CASK: variants seen among roughly 807,000 people sequenced by gnomAD.
The protein encoded by CASK is calcium/calmodulin dependent serine protein kinase.
Under a neutral mutation model 82.9 loss-of-function variants are expected in CASK, and 4 were observed. That is an observed-to-expected ratio of 0.05 (90% CI 0.02 to 0.11). The LOEUF (loss-of-function observed/expected upper bound fraction) is 0.11, where lower values mean the gene tolerates loss of function less well. Among genes scored for constraint, CASK ranks in the 10% least tolerant of loss-of-function variants. The probability of loss-of-function intolerance (pLI) is 1.00; values close to 1 mark genes in which losing one functional copy is unlikely to be tolerated. For missense variants in CASK, 358 were observed against 720.9 expected, an observed-to-expected ratio of 0.50 and a Z score of 5.76; for synonymous variants, 259 against 253.5, an observed-to-expected ratio of 1.02 and a Z score of -0.20.
intron 3 of CASK, among the ~76,000 whole-genome samples, chrX:41,765,346 C>T (rs2069090949): frequency 8.9e-6 from 1 of 112,014 alleles, no homozygotes; most frequent in South Asian, 3.7e-4. Flanking sequence ...AAAATTGAAG[C>T]CTACAACCCT....
chrX:41,559,808 T>A lies in CASK; in HGVS notation c.1708A>T (p.Ser570Cys). ...CAGGACGAAGACTGAGTGCGGTAAC[T>A]TGGCACAATCTTGAAGGTAATACTC... ...RGSITFKIVP[S>C]YRTQSSSCER... The change falls in exon 18 of 27, where the codon AGT becomes TGT. Residue 570 changes from serine (S) to cysteine (C), a missense_variant. By Grantham distance (112) the Ser-to-Cys change is moderately radical (BLOSUM62 -1). Transcript: ENST00000378163. The A allele has an allele frequency of 8.3e-7, 1 of 1,210,943 alleles. No homozygotes were observed. Among genetic ancestry groups the A allele is most frequent in the Non-Finnish European group, 1.1e-6 (1 of 894,729 alleles).
rs778405569 is a variant in CASK, at chrX:41,823,859, C to A, written c.172+29256G>T. ...CATGATCATTTTTTTTCATTGTGGC[C>A]TCTTAATATACTTTCTTTAAGCAAT... On this transcript the variant is annotated intron_variant, in intron 2 of 26. Coordinates refer to ENST00000378163, the MANE Select transcript of CASK (RefSeq NM_001367721.1). Among the ~76,000 whole-genome samples, 35 of 110,722 alleles carry A rather than the reference C, an allele frequency of 3.2e-4. 1 individual carries two copies. In the South Asian group the frequency reaches 0.013, roughly 42 times the overall value.
chrX:41,613,763 C>G (rs2066145589), intron 11 of CASK, among the ~76,000 whole-genome samples: 1 of 110,421 alleles, frequency 9.1e-6, no homozygotes, highest in Non-Finnish European at 1.9e-5. Flanking sequence ...GAATGAAACA[C>G]AGCAAAAGTG....
chrX:41,841,937 C>T (rs1304566942), intron 2 of CASK, among the ~76,000 whole-genome samples: 1 of 111,680 alleles, frequency 9.0e-6, no homozygotes, highest in Non-Finnish European at 1.9e-5. Context: ...ATGAAGAAAC[C>T]ACTACTTAAT....
rs1457203740 is a variant in CASK at position 41,745,571 on chromosome X, G to A, written c.309C>T (p.Ile103=). 3.7e-5 allele frequency: 44 copies of A among 1,203,263 alleles called. No homozygotes were observed. Among genetic ancestry groups the A allele is most frequent in the Non-Finnish European group, 4.7e-5 (42 of 888,079 alleles). ...FMDGADLCFE[I]VKRADAGFVY... ...CAAAACCAGCGTCAGCTCGCTTTAC[G>A]ATTTCAAAACACAGATCTGCTCCAT... Residue 103 remains isoleucine (I), a synonymous_variant, in exon 4 of 27, where the codon ATC becomes ATT. Coordinates refer to ENST00000378163, the MANE Select transcript of CASK (RefSeq NM_001367721.1).
At chrX:41,560,587 T>A (rs1428430279) in intron 17 of CASK, among the ~76,000 whole-genome samples, 1 of 106,857 alleles carries the variant, frequency 9.4e-6, no homozygotes, top group Non-Finnish European at 1.9e-5. Flanking sequence ...TAATTTTGGC[T>A]TTTTTTTAAA....
Position 41,900,050 on chromosome X carries a change from T to G in CASK, c.59+22880A>C, listed in dbSNP as rs193066483. Reference sequence around the variant, plus strand: ...TGGTTGGCAGGTTTTTTGTTTTGTTTTTTTTTTTTTTCTTTCAGCGCTTTG... The same window carrying G: ...TGGTTGGCAGGTTTTTTGTTTTGTTGTTTTTTTTTTTCTTTCAGCGCTTTG... On this transcript the variant is annotated intron_variant, in intron 1 of 26. Transcript: ENST00000378163. Among the ~76,000 whole-genome samples the G allele has an allele frequency of 6.7e-3, 740 of 109,737 alleles. 4 individuals carry two copies. The highest frequency in any genetic ancestry group is 0.01 in the Non-Finnish European group (543 of 52,529).
chrX:41,547,783 C>T (rs1049360695), intron 21 of CASK, among the ~76,000 whole-genome samples: 6 of 110,074 alleles, frequency 5.5e-5, no homozygotes, highest in Admixed American at 9.7e-5. Context: ...CCACCAGGCC[C>T]GGCTAATTTT....
chrX:41,888,743 A>ACG (rs1491467405), intron 1 of CASK, among the ~76,000 whole-genome samples: 1 of 98,676 alleles, frequency 1.0e-5, no homozygotes. Flanking sequence ...ATATATATAC[A>ACG]TATATATGTA....
intron 3 of CASK, among the ~76,000 whole-genome samples, chrX:41,779,692 T>C (rs1346412089): frequency 9.0e-6 from 1 of 111,668 alleles, no homozygotes; most frequent in Admixed American, 9.6e-5. Flanking sequence ...TTCAAATAGA[T>C]TAAAATGCTA....
intron 22 of CASK, among the ~76,000 whole-genome samples, chrX:41,542,484 A>G (rs750141436): frequency 8.8e-6 from 1 of 113,087 alleles, no homozygotes; most frequent in African/African-American, 3.2e-5. Flanking sequence ...TTTTTGTCCT[A>G]TAAAGTATAG....
At chrX:41,783,818 A>G (rs2069530780) in intron 3 of CASK, among the ~76,000 whole-genome samples, 1 of 112,127 alleles carries the variant, frequency 8.9e-6, no homozygotes, top group African/African-American at 3.2e-5. Context: ...CACACTGAAT[A>G]AGCATATAGT....
intron 9 of CASK, chrX:41,635,613 A>G (rs1389604826): frequency 1.8e-5 from 2 of 110,840 alleles, no homozygotes; most frequent in Non-Finnish European, 3.8e-5. Flanking sequence ...TGCTGAAAAG[A>G]TTCCATTACT....
chrX:41,922,788 T>A, intron 1 of CASK, 142 bp downstream of exon 1: 1 of 560,058 alleles, frequency 1.8e-6, no homozygotes. Flanking sequence ...TACACGTCTA[T>A]AAATACTCCA....
chrX:41,523,747 T>C (rs889742427), intron 26 of CASK, among the ~76,000 whole-genome samples: 1 of 112,079 alleles, frequency 8.9e-6, no homozygotes, highest in Admixed American at 9.4e-5. Context: ...CTGGGATGCC[T>C]CGGTCCTGGT....
chrX:41,626,465 G>T, intron 10 of CASK, 139 bp downstream of exon 10: 1 of 513,906 alleles, frequency 1.9e-6, no homozygotes, highest in South Asian at 2.5e-5. Flanking sequence ...ATGTAGACAG[G>T]ATTTGGTTGC....
intron 8 of CASK, among the ~76,000 whole-genome samples, chrX:41,659,051 C>T (rs778472433): frequency 5.1e-4 from 56 of 110,444 alleles, no homozygotes; most frequent in Non-Finnish European, 9.5e-4. Flanking sequence ...ATACAAATAA[C>T]CTATAGCATG....
intron 2 of CASK, among the ~76,000 whole-genome samples, chrX:41,799,413 G>A (rs369564526): frequency 2.7e-5 from 3 of 110,663 alleles, no homozygotes; most frequent in Non-Finnish European, 5.7e-5. Flanking sequence ...GGTGGCGTGC[G>A]CCTGTAATCC....
intron 5 of CASK, chrX:41,676,501 A>G: frequency 8.4e-7 from 1 of 1,191,167 alleles, no homozygotes; most frequent in Non-Finnish European, 1.1e-6. Context: ...CCATGACTGG[A>G]TGTTCCCGCA....
Sources: allele counts gnomAD v4.1 joint callset (sites outside exome capture counted in the v4.1 genomes callset), GRCh38; gene constraint gnomAD v4.1.1; transcripts MANE v1.5; gene names NCBI Gene and HGNC (gene_info 2026-07-23, HGNC 2026-07-21).